SCD5: variants seen among roughly 807,000 people sequenced by gnomAD.
SCD5 encodes the protein acyl-CoA-desaturase 4.
A neutral mutation model predicts 30.4 loss-of-function variants in SCD5; 20 were observed. The ratio of observed to expected loss-of-function variants is 0.66; its 90% confidence interval spans 0.46 to 0.96. The LOEUF (loss-of-function observed/expected upper bound fraction) is 0.96. SCD5 is among the 40% of genes least tolerant of loss of function. The probability of loss-of-function intolerance (pLI) is 0.00; values close to 1 mark genes in which losing one functional copy is unlikely to be tolerated. For missense variants in SCD5, 381 were observed against 443.3 expected, an observed-to-expected ratio of 0.86 and a Z score of 1.26; for synonymous variants, 173 against 176.4, an observed-to-expected ratio of 0.98 and a Z score of 0.16.
intron 4 of SCD5, among the ~76,000 whole-genome samples, 163 bp downstream of exon 4, chr4:82,636,428 C>T (rs1007093565): frequency 2.0e-5 from 3 of 150,098 alleles, no homozygotes; most frequent in African/African-American, 4.9e-5. Context: ...TCCAGACTGG[C>T]CAACAGAGTG....
chr4:82,730,269 A>AGT (rs1473002718), intron 1 of SCD5, among the ~76,000 whole-genome samples: 1 of 78,338 alleles, frequency 1.3e-5, no homozygotes, highest in African/African-American at 1.6e-4. Flanking sequence ...ACATTTATAT[A>AGT]TATAGTTATA....
chr4:82,752,951 C>G (rs528479166), intron 1 of SCD5, among the ~76,000 whole-genome samples: 193 of 152,214 alleles, frequency 1.3e-3, no homozygotes, highest in Non-Finnish European at 1.9e-3. Context: ...TACTTAATTC[C>G]CTGCCCTCTC....
At chr4:82,698,914 T>C (rs1309039447) in intron 2 of SCD5, among the ~76,000 whole-genome samples, 1 of 152,244 alleles carries the variant, frequency 6.6e-6, no homozygotes, top group Non-Finnish European at 1.5e-5. Flanking sequence ...GTTCATTTGC[T>C]GTCTCTCCTA....
chr4:82,698,038 G>C (rs1215114453), intron 2 of SCD5: 1 of 456,702 alleles, frequency 2.2e-6, no homozygotes, highest in Non-Finnish European at 4.4e-6. Context: ...ATCACACCAG[G>C]AAAAGCTGTC....
At chr4:82,784,138 G>A (rs1201917686) in intron 1 of SCD5, among the ~76,000 whole-genome samples, 3 of 152,142 alleles carry the variant, frequency 2.0e-5, no homozygotes, top group Non-Finnish European at 4.4e-5. Flanking sequence ...TGTTCTATGA[G>A]CTTGAAATTA....
intron 1 of SCD5, among the ~76,000 whole-genome samples, chr4:82,796,610 G>A (rs1014686739): frequency 2.0e-5 from 3 of 152,142 alleles, no homozygotes; most frequent in African/African-American, 7.2e-5. Context: ...GTGAGCCCTA[G>A]GCATGTAAGA....
At chr4:82,711,682 G>A (rs1194452882) in intron 1 of SCD5, among the ~76,000 whole-genome samples, 1 of 149,242 alleles carries the variant, frequency 6.7e-6, no homozygotes, top group Non-Finnish European at 1.5e-5. Context: ...CTCCAGCCTG[G>A]GTGATAAAGT....
intron 1 of SCD5, among the ~76,000 whole-genome samples, chr4:82,732,070 G>A (rs1028316051): frequency 3.3e-5 from 5 of 151,974 alleles, no homozygotes; most frequent in South Asian, 2.1e-4. Context: ...ATCTTTCAGG[G>A]AGGAAGATTC....
intron 1 of SCD5, among the ~76,000 whole-genome samples, chr4:82,746,959 AGGG>A (rs57988591): frequency 1.7e-4 from 26 of 151,532 alleles, no homozygotes; most frequent in Admixed American, 9.8e-4. Context: ...CAAGGGCGTC[AGGG>A]GGAGAGGAGG....
intron 2 of SCD5, chr4:82,692,205 C>A: frequency 6.4e-6 from 1 of 157,218 alleles, no homozygotes; most frequent in South Asian, 1.8e-4. Flanking sequence ...CCATGCTGAC[C>A]GACGCCATGA....
At chr4:82,705,802 GGTGA>G (rs1560539172) in intron 1 of SCD5, among the ~76,000 whole-genome samples, 1 of 152,170 alleles carries the variant, frequency 6.6e-6, no homozygotes, top group East Asian at 1.9e-4. Flanking sequence ...CACATGACAG[GGTGA>G]GTGTTATGTG....
chr4:82,798,254 A>G (rs1722272129), intron 1 of SCD5, 52 bp downstream of exon 1: 1 of 1,427,646 alleles, frequency 7.0e-7, no homozygotes, highest in African/African-American at 1.5e-5. Flanking sequence ...CGCGCGCCCC[A>G]GCGCGGCCTG....
Position 82,684,119 on chromosome 4 carries a change from C to G in SCD5, c.364-3207G>C, listed in dbSNP as rs114795005. On this transcript the variant is annotated intron_variant, in intron 2 of 4. Coordinates refer to ENST00000319540, the MANE Select transcript of SCD5 (RefSeq NM_001037582.3). ...AGACCCATCATGATGAAGAAAAGTT[C>G]AAACAGAGATATTTATTTTCATTCC... is the stretch of plus-strand genomic sequence containing the variant. 8.9e-3 allele frequency among the ~76,000 whole-genome samples: 1,358 copies of G among 152,184 alleles called. 15 individuals are homozygous for G. Among genetic ancestry groups the G allele is most frequent in the Non-Finnish European group, 0.013 (887 of 68,000 alleles).
At chr4:82,753,536 A>G in intron 1 of SCD5, 1 of 431,136 alleles carries the variant, frequency 2.3e-6, no homozygotes, top group Non-Finnish European at 4.9e-6. Flanking sequence ...GGGCTGAGTC[A>G]CCTGCGGGGA....
chr4:82,727,408 C>T (rs1720527179), intron 1 of SCD5, among the ~76,000 whole-genome samples: 1 of 152,224 alleles, frequency 6.6e-6, no homozygotes, highest in South Asian at 2.1e-4. Context: ...CATCCTCACC[C>T]TCTATGAGTA....
chr4:82,652,064 A>G (rs189267330), intron 3 of SCD5, among the ~76,000 whole-genome samples: 330 of 152,264 alleles, frequency 2.2e-3, no homozygotes, highest in Middle Eastern at 0.01. Flanking sequence ...GCTCCTGGGT[A>G]ACACTGATGC....
At chr4:82,670,848 G>T (rs1392391024) in intron 3 of SCD5, among the ~76,000 whole-genome samples, 1 of 151,388 alleles carries the variant, frequency 6.6e-6, no homozygotes, top group African/African-American at 2.4e-5. Flanking sequence ...CAATTGATAT[G>T]GCAAATATCA....
chr4:82,746,952 GGGCGTC>G (rs528824636), intron 1 of SCD5, among the ~76,000 whole-genome samples: 26 of 23,464 alleles, frequency 1.1e-3, no homozygotes, highest in Admixed American at 5.9e-3. Context: ...GCAGACACAA[GGGCGTC>G]AGGGGGAGAG....
chr4:82,655,515 C>G (rs1022323741), intron 3 of SCD5, among the ~76,000 whole-genome samples: 4 of 152,134 alleles, frequency 2.6e-5, no homozygotes, highest in Non-Finnish European at 5.9e-5. Context: ...CTTTAAGTCG[C>G]TGCTAAAAAG....
Sources: allele counts gnomAD v4.1 joint callset (sites outside exome capture counted in the v4.1 genomes callset), GRCh38; gene constraint gnomAD v4.1.1; transcripts MANE v1.5; gene names NCBI Gene and HGNC (gene_info 2026-07-23, HGNC 2026-07-21).